DAB1: variants seen among roughly 807,000 people sequenced by gnomAD.
DAB1 encodes the protein DAB adaptor protein 1, also known as disabled homolog 1.
A neutral mutation model predicts 64.6 loss-of-function variants in DAB1; 15 were observed. That is an observed-to-expected ratio of 0.23 (90% CI 0.16 to 0.36). The LOEUF is 0.36. Ranked by LOEUF, DAB1 falls within the 10% of genes least tolerant of loss-of-function variation. The pLI is 1.00. For synonymous variants in DAB1, 235 were observed against 251.9 expected, an observed-to-expected ratio of 0.93 and a Z score of 0.64; for missense variants, 596 against 706.7, an observed-to-expected ratio of 0.84 and a Z score of 1.78.
intron 6 of DAB1, among the ~76,000 whole-genome samples, chr1:57,817,701 T>C (rs1287906082): frequency 6.6e-6 from 1 of 152,202 alleles, no homozygotes; most frequent in Non-Finnish European, 1.5e-5. Flanking sequence ...CAAAGCGGCC[T>C]ATTTCCTATC....
In DAB1 at chr1:57,616,533, G is replaced by C. The variant is rs529380585; in HGVS notation, n.625+33059C>G. On this transcript the variant is annotated intron_variant and non_coding_transcript_variant, in intron 7 of 20. Coordinates refer to the DAB1 transcript ENST00000485760. ...ATGACACAATTACCATAGGCAATCT[G>C]TGGGATTCTACAAGAAATCTATAAT... Among the ~76,000 whole-genome samples the C allele has an allele frequency of 4.6e-5, 7 of 152,234 alleles. No individual in the cohort carries two copies. The South Asian group carries it at 1.5e-3, about 32-fold the overall frequency.
chr1:57,881,091 G>T (rs544509530), intron 1 of DAB1, among the ~76,000 whole-genome samples: 2 of 152,278 alleles, frequency 1.3e-5, no homozygotes, highest in East Asian at 3.9e-4. Context: ...TGGCAGTAAT[G>T]CTGACTTTAC....
chr1:57,889,908 GGGA>G (rs1644284838), intron 5 of DAB1, among the ~76,000 whole-genome samples: 1 of 90,450 alleles, frequency 1.1e-5, no homozygotes, highest in Non-Finnish European at 2.3e-5. Context: ...GCGGGGGGGG[GGGA>G]GGGGGAAGAA....
intron 7 of DAB1, among the ~76,000 whole-genome samples, chr1:57,476,909 C>T (rs745519240): frequency 2.6e-5 from 4 of 152,172 alleles, no homozygotes; most frequent in Non-Finnish European, 5.9e-5. Context: ...CACTTGGCAC[C>T]TGTGCAATTT....
intron 5 of DAB1, among the ~76,000 whole-genome samples, chr1:57,951,112 A>G (rs1231683551): frequency 6.6e-6 from 1 of 151,998 alleles, no homozygotes; most frequent in Non-Finnish European, 1.5e-5. Flanking sequence ...ATAATTTATT[A>G]GACCCTGGCA....
chr1:57,984,261 A>AG (rs1646155900), intron 5 of DAB1, among the ~76,000 whole-genome samples: 1 of 144,676 alleles, frequency 6.9e-6, no homozygotes, highest in African/African-American at 2.6e-5. Flanking sequence ...AGAAAGAAAG[A>AG]AAAAAAATTA....
intron 1 of DAB1, among the ~76,000 whole-genome samples, chr1:57,875,976 C>T (rs147963251): frequency 6.6e-6 from 1 of 152,182 alleles, no homozygotes; most frequent in African/African-American, 2.4e-5. Flanking sequence ...ACTGCTAAGT[C>T]CAGCTCTCAT....
intron 4 of DAB1, among the ~76,000 whole-genome samples, chr1:58,210,396 T>G (rs1052528760): frequency 5.3e-5 from 8 of 152,206 alleles, no homozygotes; most frequent in Non-Finnish European, 7.3e-5. Context: ...AGGAAGGTGA[T>G]CCTAAAGATC....
At chr1:57,130,315 A>T (rs1022308924) in intron 4 of DAB1, among the ~76,000 whole-genome samples, 1 of 152,176 alleles carries the variant, frequency 6.6e-6, no homozygotes, top group Non-Finnish European at 1.5e-5. Context: ...AGGTACATTT[A>T]TTATCTCCAT....
intron 11 of DAB1, among the ~76,000 whole-genome samples, chr1:57,018,812 A>G (rs1404351233): frequency 6.6e-6 from 1 of 152,214 alleles, no homozygotes; most frequent in Non-Finnish European, 1.5e-5. Context: ...CTTGGGGGTC[A>G]GCTCCTTCCA....
intron 4 of DAB1, among the ~76,000 whole-genome samples, chr1:58,289,918 T>C (rs1388688857): frequency 2.0e-5 from 3 of 152,198 alleles, no homozygotes; most frequent in Admixed American, 6.5e-5. Flanking sequence ...CAAATAAAGA[T>C]ATTCTCACTT....
At chr1:57,945,428 G>GTTATTATTATTA (rs143711609) in intron 5 of DAB1, among the ~76,000 whole-genome samples, 1,248 of 123,820 alleles carry the variant, frequency 0.01, 13 homozygotes, top group East Asian at 0.017. Flanking sequence ...CTTGCTAATT[G>GTTATTATTATTA]TTATTATTAT....
At chr1:58,461,846 G>T (rs1332080972) in intron 3 of DAB1, among the ~76,000 whole-genome samples, 1 of 152,178 alleles carries the variant, frequency 6.6e-6, no homozygotes, top group Non-Finnish European at 1.5e-5. Context: ...TTGAGATGTA[G>T]TTCACAATTT....
intron 6 of DAB1, among the ~76,000 whole-genome samples, chr1:57,729,894 C>CTAAAA (rs1014824273): frequency 2.2e-4 from 32 of 148,118 alleles, no homozygotes; most frequent in Admixed American, 9.3e-4. Context: ...GACCCCATCT[C>CTAAAA]TAAAATAAAA....
At chr1:58,437,156 G>A (rs1038171015) in intron 3 of DAB1, among the ~76,000 whole-genome samples, 1 of 152,198 alleles carries the variant, frequency 6.6e-6, no homozygotes. Context: ...AAATGTGAAT[G>A]TGCCTAAGAG....
At chr1:58,301,731 C>G (rs1303525923) in intron 4 of DAB1, among the ~76,000 whole-genome samples, 1 of 152,116 alleles carries the variant, frequency 6.6e-6, no homozygotes, top group African/African-American at 2.4e-5. Flanking sequence ...TTCTTTTTGA[C>G]TCTGGACCCA....
At chr1:57,666,109 A>G (rs920427272) in intron 6 of DAB1, among the ~76,000 whole-genome samples, 4 of 152,164 alleles carry the variant, frequency 2.6e-5, no homozygotes, top group African/African-American at 4.8e-5. Context: ...ACAAAGCAAT[A>G]GAAGTTAGAG....
intron 5 of DAB1, among the ~76,000 whole-genome samples, chr1:58,033,959 C>T (rs996441965): frequency 3.3e-5 from 5 of 152,006 alleles, no homozygotes; most frequent in East Asian, 1.9e-4. Flanking sequence ...AAAGGAGTGG[C>T]GAGAGTTGTA....
intron 2 of DAB1, among the ~76,000 whole-genome samples, chr1:57,246,627 C>T (rs1282315083): frequency 2.0e-5 from 3 of 152,208 alleles, no homozygotes; most frequent in Non-Finnish European, 2.9e-5. Context: ...AGGAGGGACA[C>T]TGTCCTCCAG....
Sources: gnomAD v4.1 joint callset for allele counts (sites outside exome capture counted in the v4.1 genomes callset) on GRCh38, gnomAD v4.1.1 for gene constraint, MANE v1.5 for transcripts, NCBI Gene and HGNC (gene_info 2026-07-23, HGNC 2026-07-21) for gene names.